Variants in AP1B1 observed in about 807,000 individuals in gnomAD.
The protein encoded by AP1B1 is AP-1 complex subunit beta-1.
AP1B1 carries 36 observed loss-of-function variants against 104.3 expected under a neutral mutation model. The ratio of observed to expected loss-of-function variants is 0.35; its 90% confidence interval spans 0.26 to 0.46. The LOEUF (loss-of-function observed/expected upper bound fraction) is 0.46, where lower values mean the gene tolerates loss of function less well. AP1B1 is among the 20% of genes least tolerant of loss of function. AP1B1 has a pLI of 1.00. For synonymous variants in AP1B1, 504 were observed against 517.5 expected, an observed-to-expected ratio of 0.97 and a Z score of 0.35; for missense variants, 901 against 1,247.9, an observed-to-expected ratio of 0.72 and a Z score of 4.19.
At chr22:29,369,487 T>C (rs150429047) in intron 1 of AP1B1, among the ~76,000 whole-genome samples, 1 of 152,344 alleles carries the variant, frequency 6.6e-6, no homozygotes, top group African/African-American at 2.4e-5. Context: ...AAAGGAAGGA[T>C]GGCACTTTTC....
intron 7 of AP1B1, among the ~76,000 whole-genome samples, chr22:29,353,759 C>T (rs1431858997): frequency 6.6e-6 from 1 of 152,222 alleles, no homozygotes; most frequent in Non-Finnish European, 1.5e-5. Context: ...GCCCCACTCC[C>T]AGCCACAGGG....
chr22:29,356,897 C>T lies in AP1B1; in HGVS notation c.526-281G>A, dbSNP rs145292602. ...CATTCTCAGCTTCCTAACACAGCAG[C>T]GCCTGTCTACCAGCAACAGCACCTC... On this transcript the variant is annotated intron_variant, in intron 5 of 22. Transcript: ENST00000357586. Among the ~76,000 whole-genome samples, 115 of 152,276 alleles carry T rather than the reference C, an allele frequency of 7.6e-4. 2 individuals are homozygous for T. Among genetic ancestry groups the T allele is most frequent in the African/African-American group, 2.6e-3 (108 of 41,566 alleles).
chr22:29,356,646 T>C, intron 5 of AP1B1, 30 bp from the exon 6 acceptor site: 1 of 1,604,644 alleles, frequency 6.2e-7, no homozygotes, highest in Non-Finnish European at 8.5e-7. Context: ...GGGCAGAGGC[T>C]GGGGGTGCTG....
In AP1B1 at chr22:29,349,236, G is replaced by C; in HGVS notation, c.1419C>G (p.Phe473Leu). ...GGCTCACCTGTGTGCTCTCGTCATG[G>C]AAGCCCTCGAGGAAGCTCTCCAGCA... ...DELLESFLEG[F>L]HDESTQVQLQ... The change falls in exon 11 of 23, where the codon TTC (phenylalanine) becomes TTG (leucine). Residue 473 changes from phenylalanine (F) to leucine (L), a missense_variant. Phe to Leu is a conservative substitution (Grantham distance 22, BLOSUM62 0). Around this residue, in one of 3 missense-constraint regions of AP1B1, gnomAD observed 471 missense variants for 696.7 expected, o/e 0.68. Transcript: ENST00000357586. 1.2e-6 allele frequency: 2 copies of C among 1,613,348 alleles called. No individual in the cohort carries two copies. The highest frequency in any genetic ancestry group is 1.7e-6 in the Non-Finnish European group (2 of 1,180,050).
intron 16 of AP1B1, among the ~76,000 whole-genome samples, chr22:29,336,804 C>CAA (rs1174010439): frequency 0.032 from 2,356 of 72,916 alleles, 27 homozygotes; most frequent in South Asian, 0.076. Flanking sequence ...AACTCTGTCT[C>CAA]AAAAAAAAAA....
Position 29,351,191 on chromosome 22 carries a change from G to A in AP1B1, c.1135C>T (p.Arg379Cys), listed in dbSNP as rs143474762. ...FVRKAVRAIG[R>C]CAIKVEQSAE... ...CTCACCTCCACCTTGATGGCGCAGC[G>A]GCCAATAGCACGCACAGCCTTCCGT... Residue 379 changes from arginine (R) to cysteine (C), a missense_variant, in exon 9 of 23, where the codon CGC becomes TGC. Coordinates refer to ENST00000357586, the MANE Select transcript of AP1B1 (RefSeq NM_001127.4). 2.7e-5 allele frequency: 44 copies of A among 1,613,228 alleles called. No homozygotes were observed. The highest frequency in any genetic ancestry group is 3.1e-5 in the Non-Finnish European group (37 of 1,179,296).
At chr22:29,377,086 C>A (rs917970406) in intron 1 of AP1B1, among the ~76,000 whole-genome samples, 1 of 150,026 alleles carries the variant, frequency 6.7e-6, no homozygotes, top group Non-Finnish European at 1.5e-5. Context: ...ATCCCAGCTA[C>A]TCGGGAGGCT....
intron 17 of AP1B1, 33 bp downstream of exon 17, chr22:29,334,232 T>C (rs778243303): frequency 1.4e-5 from 22 of 1,545,274 alleles, no homozygotes; most frequent in Non-Finnish European, 1.9e-5. Context: ...AGGCCTCCTC[T>C]TGAGAGGTGC....
At chr22:29,343,576 T>G (rs2061745405) in intron 11 of AP1B1, among the ~76,000 whole-genome samples, 1 of 152,240 alleles carries the variant, frequency 6.6e-6, no homozygotes, top group South Asian at 2.1e-4. Flanking sequence ...GGAAGCCGTT[T>G]ACCCCCATCT....
intron 1 of AP1B1, among the ~76,000 whole-genome samples, chr22:29,367,637 TC>T (rs761527294): frequency 4.0e-4 from 61 of 151,884 alleles, no homozygotes; most frequent in Admixed American, 1.3e-3. Flanking sequence ...TAGAAATCTT[TC>T]CCACAAAAAT....
chr22:29,334,587 T>C (rs1047824176), intron 16 of AP1B1, among the ~76,000 whole-genome samples, 177 bp from the exon 17 acceptor site: 1 of 152,304 alleles, frequency 6.6e-6, no homozygotes, highest in Non-Finnish European at 1.5e-5. Flanking sequence ...AACAATCCCA[T>C]GTACCATCTA....
intron 18 of AP1B1, 103 bp from the exon 19 acceptor site, chr22:29,331,636 G>T: frequency 6.3e-7 from 1 of 1,575,260 alleles, no homozygotes; most frequent in Non-Finnish European, 8.7e-7. Flanking sequence ...GCCTTCCCTG[G>T]TAAACACACC....
At chr22:29,380,934 A>T (rs777657082) in intron 1 of AP1B1, among the ~76,000 whole-genome samples, 1 of 152,196 alleles carries the variant, frequency 6.6e-6, no homozygotes, top group Non-Finnish European at 1.5e-5. Context: ...CACAGGTCCT[A>T]TAAGAGATGC....
At chr22:29,370,093 A>G (rs915793691) in intron 1 of AP1B1, among the ~76,000 whole-genome samples, 5 of 152,148 alleles carry the variant, frequency 3.3e-5, no homozygotes, top group Non-Finnish European at 7.3e-5. Flanking sequence ...AAAAGGGGCT[A>G]AAACTCACAG....
At position 29,366,879 on chromosome 22, in the gene AP1B1, CACAA is replaced by C. The variant is rs1173618957; in HGVS notation, c.37+324_37+327del. Among the ~76,000 whole-genome samples the C allele has an allele frequency of 3.5e-5, 5 of 142,572 alleles. No individual in the cohort carries two copies. The South Asian group carries it at 8.6e-4, about 25-fold the overall frequency. 93.5% of individuals were successfully genotyped at this position (142,572 alleles called of 152,430 possible). ...ACACACACACACACACACACACACA[CACAA>C]CTGCTGTGGGGGTGTTGATAGGATT... On this transcript the variant is annotated intron_variant, in intron 2 of 22. Transcript: ENST00000357586.
intron 3 of AP1B1, 139 bp downstream of exon 3, chr22:29,362,862 A>G: frequency 1.5e-6 from 1 of 651,002 alleles, no homozygotes; most frequent in Non-Finnish European, 2.8e-6. Flanking sequence ...TCTATTGGGA[A>G]GAAAGTTTTA....
intron 10 of AP1B1, 132 bp from the exon 11 acceptor site, chr22:29,349,515 G>T: frequency 2.2e-6 from 2 of 889,936 alleles, no homozygotes; most frequent in Non-Finnish European, 3.3e-6. Flanking sequence ...GGGGATCTGA[G>T]TTTTGTTTTT....
chr22:29,359,074 A>G, intron 4 of AP1B1, 103 bp from the exon 5 acceptor site: 1 of 1,179,134 alleles, frequency 8.5e-7, no homozygotes, highest in Non-Finnish European at 1.2e-6. Flanking sequence ...GCTGAGCGAC[A>G]TCAGATGGCT....
At position 29,340,846 on chromosome 22, in the gene AP1B1, G is replaced by T; in HGVS notation, c.1808C>A (p.Ala603Glu). ...AGTAGGGGCTGTCTCAGGGCTCTCT[G>T]CGCTCTCACTCCTGCCGGGACACAG... ...LPPRTASSES[A>E]ESPETAPTGA... The change falls in exon 14 of 23, where the codon GCA (alanine) becomes GAA (glutamate). Residue 603 changes from alanine to glutamate, a missense_variant. Transcript: ENST00000357586. 1 of 1,594,512 alleles carries T rather than the reference G, an allele frequency of 6.3e-7. No individual in the cohort carries two copies. Among genetic ancestry groups the T allele is most frequent in the Non-Finnish European group, 8.5e-7 (1 of 1,172,574 alleles).
Sources: gnomAD v4.1 joint callset for allele counts (sites outside exome capture counted in the v4.1 genomes callset) on GRCh38, gnomAD v4.1.1 for gene constraint, gnomAD v4.1.1 regional missense constraint, MANE v1.5 for transcripts, NCBI Gene and HGNC (gene_info 2026-07-23, HGNC 2026-07-21) for gene names.